The following STON2 variants were observed in gnomAD, a reference collection of about 807,000 sequenced individuals.
STON2 encodes the protein stonin-2.
In STON2, 29 loss-of-function variants were observed where a neutral mutation model predicts 65.7. That is an observed-to-expected ratio of 0.44 (90% CI 0.33 to 0.60). The LOEUF is 0.60. Ranked by LOEUF, STON2 falls within the 20% of genes least tolerant of loss-of-function variation. The pLI, the probability that STON2 is intolerant of heterozygous loss-of-function variation, is 0.03. For synonymous variants in STON2, 404 were observed against 414.2 expected (o/e 0.98, Z 0.30); for missense variants, 1,054 against 1,118.1 (o/e 0.94, Z 0.82).
intron 4 of STON2, among the ~76,000 whole-genome samples, chr14:81,326,384 C>G (rs1299306275): frequency 6.6e-6 from 1 of 152,098 alleles, no homozygotes; most frequent in South Asian, 2.1e-4. Context: ...TCAGATTTTG[C>G]GAGATTGGCT....
In STON2 at chr14:81,387,412, T is replaced by C. The variant is rs561187600; in HGVS notation, c.373+8482A>G. ...ACTTATCAACATGGCCCGACTCAAA[T>C]GGGTCTTATGAAGTCAAAGAGGTAT... On this transcript the variant is annotated intron_variant, in intron 3 of 7. Transcript: ENST00000614646. Among the ~76,000 whole-genome samples, 44 of 152,270 alleles carry C rather than the reference T, an allele frequency of 2.9e-4. 1 individual carries two copies. The highest frequency in any genetic ancestry group is 3.3e-4 in the Admixed American group (5 of 15,294).
intron 4 of STON2, among the ~76,000 whole-genome samples, chr14:81,324,476 T>C (rs973273803): frequency 6.6e-6 from 1 of 152,282 alleles, no homozygotes; most frequent in African/African-American, 2.4e-5. Context: ...ACACATCCTT[T>C]TGCATTTCAC....
chr14:81,405,378 C>A (rs1332756832), intron 2 of STON2, among the ~76,000 whole-genome samples: 2 of 148,948 alleles, frequency 1.3e-5, no homozygotes, highest in East Asian at 2.0e-4. Flanking sequence ...TCCTTTAGTT[C>A]TTTGAACATA....
At chr14:81,414,496 G>A (rs1216561912) in intron 2 of STON2, among the ~76,000 whole-genome samples, 1 of 152,100 alleles carries the variant, frequency 6.6e-6, no homozygotes, top group Admixed American at 6.6e-5. Context: ...GTGCTGCTGT[G>A]CCCTGCTCTT....
chr14:81,335,961 A>T (rs376642176), intron 4 of STON2, among the ~76,000 whole-genome samples: 2 of 152,250 alleles, frequency 1.3e-5, no homozygotes, highest in East Asian at 3.9e-4. Context: ...TGGTTTTTGT[A>T]GAGCTCAGCA....
At chr14:81,407,628 A>C (rs929330366) in intron 2 of STON2, among the ~76,000 whole-genome samples, 4 of 152,338 alleles carry the variant, frequency 2.6e-5, no homozygotes, top group African/African-American at 7.2e-5. Context: ...TTTATGCAGA[A>C]ACATCTTCAA....
chr14:81,395,353 T>A (rs1026493480), intron 3 of STON2: 1 of 152,628 alleles, frequency 6.6e-6, no homozygotes, highest in African/African-American at 2.4e-5. Flanking sequence ...GCAATTCACA[T>A]GCCTCAGCCT....
At chr14:81,293,766 T>C (rs780302825) in intron 5 of STON2, among the ~76,000 whole-genome samples, 4 of 152,082 alleles carry the variant, frequency 2.6e-5, no homozygotes, top group African/African-American at 7.2e-5. Flanking sequence ...AATCAAGACA[T>C]AGTAGCCAAC....
intron 1 of STON2, among the ~76,000 whole-genome samples, chr14:81,434,606 G>T (rs1486470780): frequency 1.3e-5 from 2 of 152,120 alleles, no homozygotes; most frequent in East Asian, 3.8e-4. Context: ...CTATGGGTTG[G>T]GGGATAGGGG....
chr14:81,432,326 T>C (rs1902257633), intron 1 of STON2, among the ~76,000 whole-genome samples: 1 of 152,154 alleles, frequency 6.6e-6, no homozygotes. Flanking sequence ...TTGTAGTAAC[T>C]TGCTCCATCT....
At chr14:81,293,372 C>T (rs183351593) in intron 5 of STON2, among the ~76,000 whole-genome samples, 1 of 152,154 alleles carries the variant, frequency 6.6e-6, no homozygotes, top group Non-Finnish European at 1.5e-5. Context: ...TGGGGTTTCA[C>T]TATGTTGGCC....
upstream of STON2, among the ~76,000 whole-genome samples, chr14:81,403,104 CTA>C (rs1275979617): frequency 6.6e-6 from 1 of 152,198 alleles, no homozygotes; most frequent in African/African-American, 2.4e-5. Context: ...CTTGTGAATC[CTA>C]TATTCCTGAT....
At chr14:81,305,836 C>A (rs1164335427) in intron 5 of STON2, among the ~76,000 whole-genome samples, 1 of 152,096 alleles carries the variant, frequency 6.6e-6, no homozygotes, top group East Asian at 1.9e-4. Flanking sequence ...GGTTCCTCAC[C>A]CTGATGTAGT....
At chr14:81,415,367 G>A (rs1226222380) in intron 2 of STON2, among the ~76,000 whole-genome samples, 1 of 151,908 alleles carries the variant, frequency 6.6e-6, no homozygotes, top group Non-Finnish European at 1.5e-5. Context: ...GAGTAGTCTG[G>A]GATTCTAACT....
intron 5 of STON2, among the ~76,000 whole-genome samples, chr14:81,286,479 C>T (rs908278572): frequency 2.6e-5 from 4 of 152,194 alleles, no homozygotes; most frequent in African/African-American, 9.7e-5. Flanking sequence ...ATCATTAGCA[C>T]TTTTAGTAAT....
intron 5 of STON2, among the ~76,000 whole-genome samples, chr14:81,307,598 AC>A (rs370529761): frequency 4.9e-4 from 74 of 152,244 alleles, no homozygotes; most frequent in South Asian, 8.3e-4. Context: ...TGACACTTGA[AC>A]CACAGGGGTT....
intron 5 of STON2, among the ~76,000 whole-genome samples, chr14:81,318,129 C>A (rs1896694919): frequency 6.6e-6 from 1 of 152,100 alleles, no homozygotes; most frequent in East Asian, 1.9e-4. Flanking sequence ...CCATGCCCGG[C>A]TAATTTGTAT....
At chr14:81,388,704 A>T (rs1164829404) in intron 3 of STON2, among the ~76,000 whole-genome samples, 2 of 152,198 alleles carry the variant, frequency 1.3e-5, no homozygotes, top group Non-Finnish European at 2.9e-5. Context: ...GGCACAGTTT[A>T]AAAGATGTAT....
At chr14:81,348,650 T>C (rs1209102165) in intron 4 of STON2, among the ~76,000 whole-genome samples, 6 of 152,156 alleles carry the variant, frequency 3.9e-5, no homozygotes, top group Non-Finnish European at 5.9e-5. Context: ...CAATAATTAA[T>C]ATTGTTAAAA....
Sources: gnomAD v4.1 joint callset for allele counts (sites outside exome capture counted in the v4.1 genomes callset) on GRCh38, gnomAD v4.1.1 for gene constraint, MANE v1.5 for transcripts, NCBI Gene and HGNC (gene_info 2026-07-23, HGNC 2026-07-21) for gene names.